The following TMEM182 variants were observed in gnomAD, a reference collection of about 807,000 sequenced individuals.
TMEM182 encodes transmembrane protein 182.
Under a neutral mutation model 26.8 loss-of-function variants are expected in TMEM182, and 20 were observed. The observed-to-expected ratio is 0.75, with a 90% CI of 0.53 to 1.09. The LOEUF (loss-of-function observed/expected upper bound fraction) is 1.09, where lower values mean the gene tolerates loss of function less well. Among genes scored for constraint, TMEM182 ranks in the 50% least tolerant of loss-of-function variants. TMEM182 has a pLI of 0.00. For synonymous variants in TMEM182, 109 were observed against 102.2 expected, an observed-to-expected ratio of 1.07 and a Z score of -0.40; for missense variants, 277 against 275.5, an observed-to-expected ratio of 1.01 and a Z score of -0.04.
chr2:102,747,855 T>G (rs1398509684), intron 1 of TMEM182, among the ~76,000 whole-genome samples: 1 of 152,202 alleles, frequency 6.6e-6, no homozygotes, highest in Non-Finnish European at 1.5e-5. Flanking sequence ...CAAGAGCTGT[T>G]GAGATGGAAA....
intron 3 of TMEM182, among the ~76,000 whole-genome samples, chr2:102,771,528 A>G (rs759546388): frequency 1.3e-5 from 2 of 152,276 alleles, no homozygotes; most frequent in South Asian, 2.1e-4. Flanking sequence ...TGTTCTGTAC[A>G]ATTTATTTGT....
At chr2:102,786,946 C>T (rs1396913831) in intron 3 of TMEM182, among the ~76,000 whole-genome samples, 1 of 152,140 alleles carries the variant, frequency 6.6e-6, no homozygotes, top group African/African-American at 2.4e-5. Context: ...TGACCTTCAT[C>T]CCAATCATCC....
At chr2:102,754,481 A>G (rs1194655809) in intron 1 of TMEM182, among the ~76,000 whole-genome samples, 5 of 152,172 alleles carry the variant, frequency 3.3e-5, no homozygotes, top group Non-Finnish European at 7.3e-5. Context: ...TCCTATGAAA[A>G]AAAGAATCTA....
intron 3 of TMEM182, among the ~76,000 whole-genome samples, chr2:102,793,045 T>G (rs541972013): frequency 8.9e-4 from 136 of 152,298 alleles, no homozygotes; most frequent in African/African-American, 3.2e-3. Flanking sequence ...GTGACCTGGT[T>G]CAGGATCCCT....
At chr2:102,768,365 T>A (rs1271885550) in intron 3 of TMEM182, among the ~76,000 whole-genome samples, 7 of 151,932 alleles carry the variant, frequency 4.6e-5, no homozygotes, top group Non-Finnish European at 1.0e-4. Context: ...TCTTTAGCTC[T>A]TTACTAAATG....
At chr2:102,823,641 C>A (rs746451323) in intron 3 of TMEM182, among the ~76,000 whole-genome samples, 46 of 152,180 alleles carry the variant, frequency 3.0e-4, no homozygotes, top group Non-Finnish European at 6.0e-4. Context: ...CCAGTTCTGT[C>A]CTTCTTAAAC....
At chr2:102,796,556 C>T (rs544362184) in intron 3 of TMEM182, among the ~76,000 whole-genome samples, 4 of 152,358 alleles carry the variant, frequency 2.6e-5, no homozygotes, top group African/African-American at 9.6e-5. Context: ...TGGCCACACT[C>T]TGCAACTCGT....
chr2:102,743,825 G>T (rs1017101764), intron 1 of TMEM182, among the ~76,000 whole-genome samples: 3 of 152,090 alleles, frequency 2.0e-5, no homozygotes, highest in African/African-American at 7.2e-5. Context: ...ATTAAGTTCA[G>T]ACAAGACGTA....
At chr2:102,824,112 G>A (rs1682982926) in intron 3 of TMEM182, among the ~76,000 whole-genome samples, 1 of 152,186 alleles carries the variant, frequency 6.6e-6, no homozygotes, top group Non-Finnish European at 1.5e-5. Context: ...ATTAATAAAA[G>A]CAGGGGATTT....
At chr2:102,814,697 T>C (rs1209898856) in intron 4 of TMEM182, 51 bp from the exon 5 acceptor site, 1 of 1,532,516 alleles carries the variant, frequency 6.5e-7, no homozygotes, top group African/African-American at 1.4e-5. Flanking sequence ...ATAGCGTTCT[T>C]GAGAAAACAT....
chr2:102,820,098 C>T (rs1041665360), downstream of TMEM182, among the ~76,000 whole-genome samples: 1 of 152,124 alleles, frequency 6.6e-6, no homozygotes, highest in Non-Finnish European at 1.5e-5. Context: ...CTTTCAATCC[C>T]CTTGCAGAAG....
intron 3 of TMEM182, among the ~76,000 whole-genome samples, chr2:102,778,378 C>CT (rs1681020246): frequency 6.6e-6 from 1 of 151,952 alleles, no homozygotes; most frequent in Admixed American, 6.6e-5. Flanking sequence ...TTACCTTCAA[C>CT]TTACCTATAT....
downstream of TMEM182, among the ~76,000 whole-genome samples, chr2:102,818,984 G>A (rs115105926): frequency 0.01 from 1,524 of 152,264 alleles, 26 homozygotes; most frequent in African/African-American, 0.035. Context: ...CACGGATTCT[G>A]AATATTTTGC....
intron 4 of TMEM182, among the ~76,000 whole-genome samples, chr2:102,809,401 G>A (rs2080291): frequency 0.31 from 46,541 of 151,930 alleles, 7,322 homozygotes; most frequent in South Asian, 0.42. Context: ...TAAATTCACC[G>A]TTTCATGAAT....
chr2:102,781,620 A>T (rs938578802), intron 3 of TMEM182, among the ~76,000 whole-genome samples: 1 of 152,086 alleles, frequency 6.6e-6, no homozygotes, highest in Non-Finnish European at 1.5e-5. Flanking sequence ...CCAGCAAAGG[A>T]GACTAAGGAT....
intron 4 of TMEM182, among the ~76,000 whole-genome samples, chr2:102,810,307 C>T (rs1483686046): frequency 2.0e-5 from 3 of 152,016 alleles, no homozygotes; most frequent in Admixed American, 6.6e-5. Flanking sequence ...GAATATGCCT[C>T]CATTTTTCAC....
downstream of TMEM182, among the ~76,000 whole-genome samples, chr2:102,819,195 C>T (rs1158227708): frequency 6.6e-6 from 1 of 152,018 alleles, no homozygotes; most frequent in South Asian, 2.1e-4. Context: ...GAGAGACTGC[C>T]ACTGTTAAAA....
At chr2:102,813,533 A>G (rs548970327) in intron 4 of TMEM182, among the ~76,000 whole-genome samples, 19 of 152,206 alleles carry the variant, frequency 1.2e-4, no homozygotes, top group Non-Finnish European at 2.1e-4. Flanking sequence ...GCTCTCAAGT[A>G]GATTTTGCTT....
At chr2:102,843,558 A>G (rs1371930563) in exon 4 of TMEM182, 1 of 152,176 alleles carries the variant, frequency 6.6e-6, no homozygotes, top group East Asian at 1.9e-4. Flanking sequence ...GACCTGCATT[A>G]CAGTGGGCTT....
Sources: gnomAD v4.1 joint callset for allele counts (sites outside exome capture counted in the v4.1 genomes callset) on GRCh38, gnomAD v4.1.1 for gene constraint, MANE v1.5 for transcripts, NCBI Gene and HGNC (gene_info 2026-07-23, HGNC 2026-07-21) for gene names.